Variants in MYRFL observed in about 807,000 individuals in gnomAD.
The protein encoded by MYRFL is myelin regulatory factor-like protein.
A neutral mutation model predicts 109.4 loss-of-function variants in MYRFL; 88 were observed. The ratio of observed to expected loss-of-function variants is 0.80; its 90% CI spans 0.68 to 0.96. MYRFL has a LOEUF of 0.96. Ranked by LOEUF, MYRFL falls within the 40% of genes least tolerant of loss-of-function variation. MYRFL has a pLI of 0.00. For missense variants in MYRFL, 957 were observed against 954.9 expected (o/e 1.00, Z -0.03); for synonymous variants, 324 against 320.9 (o/e 1.01, Z -0.10).
Position 69,860,729 on chromosome 12 carries a change from A to C in MYRFL, c.137+5359A>C, listed in dbSNP as rs1013126381. On this transcript the variant is annotated intron_variant, in intron 2 of 24. Coordinates refer to ENST00000552032, the MANE Select transcript of MYRFL (RefSeq NM_182530.3). The stretch of plus-strand genomic sequence containing the variant: ...CCTTTTAAACTCTTCATATAGATTT[A>C]TTTTCTTTTTTTATTTTATTATTGT... Among the ~76,000 whole-genome samples, 5 of 151,444 alleles carry C rather than the reference A, an allele frequency of 3.3e-5. 1 individual carries two copies. The highest frequency in any genetic ancestry group is 1.2e-4 in the African/African-American group (5 of 41,240).
At chr12:69,932,810 G>C (rs1158055952) in intron 16 of MYRFL, among the ~76,000 whole-genome samples, 1 of 151,726 alleles carries the variant, frequency 6.6e-6, no homozygotes, top group Non-Finnish European at 1.5e-5. Context: ...CCTTAAATGT[G>C]ACATGATTTT....
chr12:69,926,930 CTGGT>C lies in MYRFL; in HGVS notation c.1766+198_1766+201del, dbSNP rs1955105306. On this transcript the variant is annotated intron_variant, in intron 14 of 24. Coordinates refer to ENST00000552032, the MANE Select transcript of MYRFL (RefSeq NM_182530.3). ...TAACTTTCTTAGTTTTTTTCTGTTG[CTGGT>C]TTTTTTTTTTTTTTTTTTTTTTTTT... 3.3e-4 allele frequency among the ~76,000 whole-genome samples: 16 copies of C among 47,824 alleles called. 4 individuals carry two copies. The highest frequency in any genetic ancestry group is 0.016 in the Middle Eastern group (1 of 64). The allele number at this position is 47,824 out of a possible 152,430, so 31.4% of individuals were successfully genotyped here.
chr12:69,826,181 T>A (rs1194027635), intron 1 of MYRFL, among the ~76,000 whole-genome samples: 2 of 152,092 alleles, frequency 1.3e-5, no homozygotes, highest in African/African-American at 2.4e-5. Context: ...TCTATGTCAC[T>A]ATTGGGAGGA....
intron 2 of MYRFL, among the ~76,000 whole-genome samples, chr12:69,862,325 T>C (rs1884735049): frequency 6.6e-6 from 1 of 151,560 alleles, no homozygotes; most frequent in South Asian, 2.1e-4. Context: ...ATTGAATCTA[T>C]AAATTACCTT....
chr12:69,952,666 G>A, intron 20 of MYRFL, 133 bp from the exon 21 acceptor site: 1 of 619,326 alleles, frequency 1.6e-6, no homozygotes, highest in Non-Finnish European at 2.6e-6. Flanking sequence ...TTTTCCATTT[G>A]AATACAAATG....
chr12:69,935,456 G>A (rs1955418007), intron 16 of MYRFL, among the ~76,000 whole-genome samples: 1 of 152,202 alleles, frequency 6.6e-6, no homozygotes, highest in Non-Finnish European at 1.5e-5. Flanking sequence ...AGCTTCCCAA[G>A]GCTCGGAACT....
intron 2 of MYRFL, among the ~76,000 whole-genome samples, chr12:69,865,916 T>A (rs899610498): frequency 6.6e-6 from 1 of 152,194 alleles, no homozygotes; most frequent in African/African-American, 2.4e-5. Flanking sequence ...TTGCACTTCA[T>A]ATATTCACTT....
chr12:69,955,475 C>A, intron 22 of MYRFL, 38 bp downstream of exon 22: 1 of 554,444 alleles, frequency 1.8e-6, no homozygotes, highest in Non-Finnish European at 3.2e-6. Context: ...TCATTTTTAT[C>A]ATTAGTTGAA....
intron 5 of MYRFL, among the ~76,000 whole-genome samples, chr12:69,884,993 C>T (rs1886355003): frequency 1.3e-5 from 2 of 152,212 alleles, no homozygotes; most frequent in Non-Finnish European, 2.9e-5. Context: ...ATTCAAAACT[C>T]CAAGCTCTTG....
At chr12:69,888,563 A>G (rs770658878) in intron 6 of MYRFL, among the ~76,000 whole-genome samples, 2 of 152,206 alleles carry the variant, frequency 1.3e-5, no homozygotes, top group African/African-American at 2.4e-5. Context: ...ATTCTTAGGT[A>G]AGCAGATTTC....
At chr12:69,831,481 G>A (rs887038813) in intron 1 of MYRFL, among the ~76,000 whole-genome samples, 1 of 152,088 alleles carries the variant, frequency 6.6e-6, no homozygotes, top group African/African-American at 2.4e-5. Context: ...AGGAACATGG[G>A]TTCTGAGTTA....
At chr12:69,947,783 G>A (rs17813869) in intron 19 of MYRFL, among the ~76,000 whole-genome samples, 2,865 of 152,246 alleles carry the variant, frequency 0.019, 41 homozygotes, top group Middle Eastern at 0.044. Flanking sequence ...GACTGGTGGG[G>A]CTCATTGGCT....
rs1886762462 is a variant in MYRFL, at chr12:69,890,985, A to G, written c.722A>G (p.Tyr241Cys). ...TCTTTTCATAGACCTGATGTGGGCT[A>G]TCGAGTTGTAACAGACAAAGGATTT... ...SHYEKLPDVG[Y>C]RVVTDKGFNF... Residue 241 changes from tyrosine (Y) to cysteine (C), a missense_variant, in exon 7 of 25, where the codon TAT becomes TGT. Tyr to Cys is a radical substitution (Grantham distance 194). Coordinates refer to ENST00000552032, the MANE Select transcript of MYRFL (RefSeq NM_182530.3). 1.1e-5 allele frequency: 17 copies of G among 1,524,068 alleles called. No individual in the cohort carries two copies. Among genetic ancestry groups the G allele is most frequent in the Non-Finnish European group, 1.5e-5 (17 of 1,141,972 alleles). 94.4% of individuals were successfully genotyped at this position (1,524,068 alleles called of 1,614,324 possible).
intron 19 of MYRFL, among the ~76,000 whole-genome samples, chr12:69,939,561 C>T (rs1485084684): frequency 6.6e-6 from 1 of 152,066 alleles, no homozygotes; most frequent in African/African-American, 2.4e-5. Context: ...TCATCAAAGA[C>T]CAAAAGTAGA....
chr12:69,854,080 TTCGTCTGCAATCCCGGCACC>T (rs1341591121), intron 1 of MYRFL, among the ~76,000 whole-genome samples: 3 of 152,150 alleles, frequency 2.0e-5, no homozygotes, highest in African/African-American at 7.2e-5. Context: ...TTAGTGAGAC[TTCGTCTGCAATCCCGGCACC>T]TCGGGAGGCC....
rs1206360822 is a variant in MYRFL, at chr12:69,879,601, A to G, written c.464+148A>G. 8.3e-5 allele frequency: 48 copies of G among 579,400 alleles called. No individual in the cohort carries two copies. In the East Asian group the frequency reaches 8.6e-4, roughly 10 times the overall value. 35.9% of individuals were successfully genotyped at this position (579,400 alleles called of 1,614,324 possible). A position where few individuals can be genotyped will look rare whatever the true frequency, so the allele number is the denominator to read the frequency against. ...CGCGTATAGGACATCGCGAGGTCCC[A>G]GTGTTCTTGGCTTAGACAATCTTTT... On this transcript the variant is annotated intron_variant, in intron 4 of 24. Coordinates refer to ENST00000552032, the MANE Select transcript of MYRFL (RefSeq NM_182530.3).
chr12:69,869,212 C>A (rs1289013327), intron 2 of MYRFL, among the ~76,000 whole-genome samples: 1 of 152,212 alleles, frequency 6.6e-6, no homozygotes, highest in Non-Finnish European at 1.5e-5. Context: ...ACAGTCTGCC[C>A]TGGCAGGGCA....
At chr12:69,836,753 G>A (rs770814542) in intron 1 of MYRFL, among the ~76,000 whole-genome samples, 1 of 152,204 alleles carries the variant, frequency 6.6e-6, no homozygotes, top group Non-Finnish European at 1.5e-5. Flanking sequence ...GAGAGAGGCA[G>A]GTTTCTGTGT....
At chr12:69,878,049 C>A (rs1885796942) in intron 2 of MYRFL, among the ~76,000 whole-genome samples, 1 of 152,060 alleles carries the variant, frequency 6.6e-6, no homozygotes, top group Admixed American at 6.6e-5. Context: ...TCAAGACCAG[C>A]CTGGCCAACA....
Sources: gnomAD v4.1 joint callset for allele counts (sites outside exome capture counted in the v4.1 genomes callset) on GRCh38, gnomAD v4.1.1 for gene constraint, MANE v1.5 for transcripts, NCBI Gene and HGNC (gene_info 2026-07-23, HGNC 2026-07-21) for gene names.